CNTN5: variants seen among roughly 807,000 people sequenced by gnomAD.
The protein encoded by CNTN5 is contactin 5, also known as contactin-5.
In CNTN5, 77 loss-of-function variants were observed where a neutral mutation model predicts 129.1. The ratio of observed to expected loss-of-function variants is 0.60; its 90% CI spans 0.50 to 0.72. The LOEUF is 0.72. Ranked by LOEUF, CNTN5 falls within the 30% of genes least tolerant of loss-of-function variation. The pLI is 0.00. For missense variants in CNTN5, 1,478 were observed against 1,328.8 expected, an observed-to-expected ratio of 1.11 and a Z score of -1.75; for synonymous variants, 509 against 465.6, an observed-to-expected ratio of 1.09 and a Z score of -1.20.
At chr11:99,924,177 G>A (rs546800442) in intron 7 of CNTN5, among the ~76,000 whole-genome samples, 2 of 152,290 alleles carry the variant, frequency 1.3e-5, no homozygotes, top group Admixed American at 1.3e-4. Flanking sequence ...GCATCTCTCT[G>A]ATAATTAGTG....
intron 21 of CNTN5, among the ~76,000 whole-genome samples, chr11:100,310,389 C>A (rs1346466963): frequency 1.3e-5 from 2 of 151,868 alleles, no homozygotes; most frequent in Non-Finnish European, 2.9e-5. Context: ...TATGATTCAC[C>A]GTGTTGACAT....
intron 3 of CNTN5, among the ~76,000 whole-genome samples, chr11:99,747,453 CA>C (rs1294482776): frequency 6.9e-6 from 1 of 144,840 alleles, no homozygotes; most frequent in East Asian, 2.1e-4. Flanking sequence ...GAATAGAAGT[CA>C]GCATCCTTTT....
chr11:99,440,019 T>C (rs1184602946), intron 2 of CNTN5, among the ~76,000 whole-genome samples: 1 of 152,160 alleles, frequency 6.6e-6, no homozygotes, highest in Non-Finnish European at 1.5e-5. Context: ...ATTAAGATGA[T>C]TGAATACCAT....
At chr11:99,555,911 C>G (rs1948648721) in intron 2 of CNTN5, among the ~76,000 whole-genome samples, 1 of 151,756 alleles carries the variant, frequency 6.6e-6, no homozygotes, top group African/African-American at 2.4e-5. Flanking sequence ...TGGGAGTATT[C>G]AATGTAGATA....
rs78463493 is a variant in CNTN5, at chr11:99,871,717, A to T, written c.577+26455A>T. Among the ~76,000 whole-genome samples, 1,431 of 152,066 alleles carry T rather than the reference A, an allele frequency of 9.4e-3. 19 individuals are homozygous for T. Among genetic ancestry groups the T allele is most frequent in the African/African-American group, 0.033 (1,372 of 41,456 alleles). On this transcript the variant is annotated intron_variant, in intron 6 of 24. Transcript: ENST00000524871. ...AGCTTTTGATTTGTCCACAAATTTT[A>T]AAAAAGCTGGAAAAAATCCTGCTGA...
At chr11:99,513,862 T>C (rs923410693) in intron 2 of CNTN5, among the ~76,000 whole-genome samples, 3 of 152,138 alleles carry the variant, frequency 2.0e-5, no homozygotes, top group African/African-American at 7.2e-5. Context: ...ATCCATTCTG[T>C]AGCCCATGGA....
chr11:99,809,130 A>C (rs1277618039), intron 3 of CNTN5, among the ~76,000 whole-genome samples: 1 of 151,994 alleles, frequency 6.6e-6, no homozygotes, highest in Admixed American at 6.6e-5. Context: ...GCCCGGGAAA[A>C]ATTTTTGTTT....
At chr11:99,921,630 G>A (rs151316735) in intron 7 of CNTN5, among the ~76,000 whole-genome samples, 215 of 152,010 alleles carry the variant, frequency 1.4e-3, no homozygotes, top group African/African-American at 4.9e-3. Context: ...TACTTACTTC[G>A]TTGTTCATAG....
intron 7 of CNTN5, among the ~76,000 whole-genome samples, chr11:99,956,029 T>C (rs1299182377): frequency 6.6e-6 from 1 of 152,180 alleles, no homozygotes; most frequent in Non-Finnish European, 1.5e-5. Flanking sequence ...TATATTTAAA[T>C]GGTGCAGGTA....
intron 3 of CNTN5, among the ~76,000 whole-genome samples, chr11:99,729,094 T>C (rs577580771): frequency 2.4e-4 from 37 of 152,084 alleles, no homozygotes; most frequent in Non-Finnish European, 3.1e-4. Context: ...TCAAAGAATC[T>C]CTATTGCAGT....
At chr11:99,602,428 G>A (rs1256544533) in intron 3 of CNTN5, among the ~76,000 whole-genome samples, 3 of 152,070 alleles carry the variant, frequency 2.0e-5, no homozygotes, top group Non-Finnish European at 2.9e-5. Flanking sequence ...AGTGTTAGGT[G>A]AGCCAAGAAC....
intron 1 of CNTN5, among the ~76,000 whole-genome samples, chr11:99,191,621 T>A (rs889916960): frequency 2.0e-5 from 3 of 151,800 alleles, no homozygotes; most frequent in Admixed American, 6.6e-5. Flanking sequence ...CAAGTATCTT[T>A]CCTGATGACA....
At chr11:99,446,321 A>T (rs1944069960) in intron 2 of CNTN5, among the ~76,000 whole-genome samples, 1 of 152,146 alleles carries the variant, frequency 6.6e-6, no homozygotes, top group Non-Finnish European at 1.5e-5. Context: ...ACTTTGGAGA[A>T]TGTGCTATTG....
At chr11:99,312,827 C>T (rs1236552898) in intron 1 of CNTN5, among the ~76,000 whole-genome samples, 2 of 146,818 alleles carry the variant, frequency 1.4e-5, no homozygotes, top group Admixed American at 1.3e-4. Flanking sequence ...TTTTTTTTTC[C>T]CCAGGAGCCT....
At chr11:99,614,936 C>T (rs1231133677) in intron 3 of CNTN5, among the ~76,000 whole-genome samples, 2 of 151,202 alleles carry the variant, frequency 1.3e-5, no homozygotes, top group African/African-American at 2.4e-5. Context: ...TAAGAATGGC[C>T]GTACTGTTGT....
chr11:99,048,932 A>G (rs951571745), intron 1 of CNTN5, among the ~76,000 whole-genome samples: 4 of 152,214 alleles, frequency 2.6e-5, no homozygotes, highest in African/African-American at 9.6e-5. Flanking sequence ...CCATGACTAC[A>G]GCCTTGAAAA....
chr11:100,300,957 G>A (rs905921033), intron 20 of CNTN5, among the ~76,000 whole-genome samples: 1 of 151,550 alleles, frequency 6.6e-6, no homozygotes, highest in Non-Finnish European at 1.5e-5. Context: ...TAAGTAACAT[G>A]CTCAAATTCA....
chr11:99,090,721 GAAAAA>G (rs934808247), intron 1 of CNTN5, among the ~76,000 whole-genome samples: 1 of 94,132 alleles, frequency 1.1e-5, no homozygotes. Context: ...GTGCTCACCA[GAAAAA>G]AAAAAAAAAA....
chr11:99,292,988 G>A lies in CNTN5; in HGVS notation c.-209-32358G>A, dbSNP rs376057530. ...GTATACCCTGTAAGTGCACTTAATA[G>A]GCCCCCCTTTAATTTCTATTGTTCA... On this transcript the variant is annotated intron_variant, in intron 1 of 24. Coordinates refer to ENST00000524871, the MANE Select transcript of CNTN5 (RefSeq NM_014361.4). 2.0e-5 allele frequency among the ~76,000 whole-genome samples: 3 copies of A among 152,232 alleles called. No individual in the cohort carries two copies. The South Asian group carries it at 6.2e-4, about 32-fold the overall frequency.
Sources: allele counts gnomAD v4.1 joint callset (sites outside exome capture counted in the v4.1 genomes callset), GRCh38; gene constraint gnomAD v4.1.1; transcripts MANE v1.5; gene names NCBI Gene and HGNC (gene_info 2026-07-23, HGNC 2026-07-21).